XKR9: variants seen among roughly 807,000 people sequenced by gnomAD.
XKR9 encodes XK-related protein 9.
In XKR9, 32 loss-of-function variants were observed where a neutral mutation model predicts 32.0. That is an observed-to-expected ratio of 1.00 (90% CI 0.76 to 1.34). The LOEUF (loss-of-function observed/expected upper bound fraction) is 1.34. XKR9 is among the 40% of genes most tolerant of loss of function. The probability of loss-of-function intolerance (pLI) is 0.00; values close to 1 mark genes in which losing one functional copy is unlikely to be tolerated. For missense variants in XKR9, 546 were observed against 429.7 expected (o/e 1.27, Z -2.39); for synonymous variants, 168 against 143.4 (o/e 1.17, Z -1.22).
At chr8:70,795,959 A>G in the XKR9 span, among the ~76,000 whole-genome samples, 2 of 152,044 alleles carry the variant, frequency 1.3e-5, no homozygotes, top group African/African-American at 4.8e-5. Context: ...GGTAGAAGTT[A>G]TCAGTTAAGT....
the XKR9 span, among the ~76,000 whole-genome samples, chr8:71,027,833 A>G: frequency 1.3e-5 from 2 of 151,250 alleles, no homozygotes; most frequent in East Asian, 1.9e-4. Flanking sequence ...GGTGTGATCA[A>G]TCATGGCTCA....
the XKR9 span, among the ~76,000 whole-genome samples, chr8:70,919,845 AT>A: frequency 6.6e-6 from 1 of 152,218 alleles, no homozygotes; most frequent in Non-Finnish European, 1.5e-5. Context: ...GAATGTGAAA[AT>A]TTGGAAATAT....
the XKR9 span, among the ~76,000 whole-genome samples, chr8:70,864,563 A>G: frequency 2.6e-5 from 4 of 152,330 alleles, no homozygotes; most frequent in Non-Finnish European, 5.9e-5. Context: ...ATTGACCTAG[A>G]AGCATTTGAC....
chr8:71,061,158 G>T, the XKR9 span, among the ~76,000 whole-genome samples: 1 of 152,260 alleles, frequency 6.6e-6, no homozygotes, highest in African/African-American at 2.4e-5. Flanking sequence ...GATGGTCAAG[G>T]TTACATACTA....
At chr8:70,857,095 C>A in the XKR9 span, among the ~76,000 whole-genome samples, 70 of 152,078 alleles carry the variant, frequency 4.6e-4, no homozygotes, top group African/African-American at 1.6e-3. Context: ...CATTCAAAAG[C>A]TAGCAGAAGG....
At chr8:70,854,012 G>C in the XKR9 span, among the ~76,000 whole-genome samples, 61 of 151,490 alleles carry the variant, frequency 4.0e-4, no homozygotes, top group African/African-American at 1.4e-3. Context: ...CTTTATAGCA[G>C]CATGATTTAT....
chr8:70,718,267 T>C (rs1376725884), intron 4 of XKR9, among the ~76,000 whole-genome samples: 2 of 151,852 alleles, frequency 1.3e-5, no homozygotes, highest in East Asian at 1.9e-4. Flanking sequence ...GGTATCTTTG[T>C]TTATTTATTT....
chr8:70,938,668 G>C, the XKR9 span, among the ~76,000 whole-genome samples: 2 of 152,026 alleles, frequency 1.3e-5, no homozygotes, highest in African/African-American at 4.8e-5. Flanking sequence ...GAATCAGCAG[G>C]TTCCTGGGAT....
At chr8:70,832,072 T>C in the XKR9 span, among the ~76,000 whole-genome samples, 1 of 152,296 alleles carries the variant, frequency 6.6e-6, no homozygotes, top group Non-Finnish European at 1.5e-5. Flanking sequence ...TTAAGAGGTT[T>C]ACTTTAGCTT....
the XKR9 span, among the ~76,000 whole-genome samples, chr8:70,845,460 A>C: frequency 1.3e-5 from 2 of 152,248 alleles, no homozygotes; most frequent in African/African-American, 2.4e-5. Flanking sequence ...ATTTATAAAA[A>C]TGTGGAAAAA....
chr8:70,722,823 C>A (rs138526258), intron 4 of XKR9, among the ~76,000 whole-genome samples: 1 of 151,852 alleles, frequency 6.6e-6, no homozygotes, highest in South Asian at 2.1e-4. Context: ...CTGTATTTCC[C>A]GAATTTGAAT....
the XKR9 span, among the ~76,000 whole-genome samples, chr8:70,831,229 T>A: frequency 6.7e-6 from 1 of 150,282 alleles, no homozygotes; most frequent in Non-Finnish European, 1.5e-5. Context: ...AGACGGAGGT[T>A]GCAGTGAGCC....
the XKR9 span, among the ~76,000 whole-genome samples, chr8:70,994,326 G>A: frequency 6.6e-6 from 1 of 152,048 alleles, no homozygotes; most frequent in African/African-American, 2.4e-5. Context: ...TTGTTTGCCT[G>A]AGAAAGCTTT....
At chr8:70,813,238 A>G in the XKR9 span, among the ~76,000 whole-genome samples, 1 of 152,252 alleles carries the variant, frequency 6.6e-6, no homozygotes, top group East Asian at 1.9e-4. Flanking sequence ...CTGGCTAGCC[A>G]TATGTAGAAA....
chr8:70,684,243 T>G (rs1239473608), intron 3 of XKR9, among the ~76,000 whole-genome samples: 2 of 152,198 alleles, frequency 1.3e-5, no homozygotes, highest in Non-Finnish European at 2.9e-5. Context: ...AACATTTTCT[T>G]TACTATATTT....
chr8:70,723,887 C>CTTTTT lies in XKR9; in HGVS notation c.494-9897_494-9893dup, dbSNP rs4008977. Among the ~76,000 whole-genome samples, 4 of 139,776 alleles carry CTTTTT rather than the reference C, an allele frequency of 2.9e-5. 1 individual carries two copies. Among genetic ancestry groups the CTTTTT allele is most frequent in the Non-Finnish European group, 4.6e-5 (3 of 65,212 alleles). The allele number at this position is 139,776 out of a possible 152,430, so 91.7% of individuals were successfully genotyped here. On this transcript the variant is annotated intron_variant, in intron 4 of 4. Transcript: ENST00000408926. ...TCTCTTCAGAGCCAGTAGGTGGGAA[C>CTTTTT]TTTTTTTTTTTTTTTTGAGACGGAG... is the stretch of plus-strand genomic sequence containing the variant.
At chr8:70,984,276 C>T in the XKR9 span, among the ~76,000 whole-genome samples, 1 of 152,188 alleles carries the variant, frequency 6.6e-6, no homozygotes, top group African/African-American at 2.4e-5. Flanking sequence ...GTCTGCAGGT[C>T]AAGGGGGGCC....
At chr8:70,715,267 C>T (rs1411292871) in intron 4 of XKR9, among the ~76,000 whole-genome samples, 1 of 152,118 alleles carries the variant, frequency 6.6e-6, no homozygotes, top group African/African-American at 2.4e-5. Flanking sequence ...TTCCCTTAGC[C>T]ACATCCCCAA....
chr8:70,828,820 A>G, the XKR9 span, among the ~76,000 whole-genome samples: 3 of 152,168 alleles, frequency 2.0e-5, no homozygotes, highest in Non-Finnish European at 2.9e-5. Context: ...AGTTATCCCA[A>G]ACTATATTAT....
Sources: gnomAD v4.1 joint callset for allele counts (sites outside exome capture counted in the v4.1 genomes callset) on GRCh38, gnomAD v4.1.1 for gene constraint, MANE v1.5 for transcripts, NCBI Gene and HGNC (gene_info 2026-07-23, HGNC 2026-07-21) for gene names.